PDGFC: variants seen among roughly 807,000 people sequenced by gnomAD.
The protein encoded by PDGFC is platelet derived growth factor C.
In PDGFC, 12 loss-of-function variants were observed where a neutral mutation model predicts 35.5. The observed-to-expected ratio is 0.34, with a 90% confidence interval of 0.22 to 0.55. The LOEUF is 0.55. Among genes scored for constraint, PDGFC ranks in the 20% least tolerant of loss-of-function variants. The pLI is 0.91. For synonymous variants in PDGFC, 159 were observed against 148.8 expected (o/e 1.07, Z -0.50); for missense variants, 322 against 412.4 (o/e 0.78, Z 1.90).
chr4:156,891,784 T>C (rs1349466102), intron 1 of PDGFC, among the ~76,000 whole-genome samples: 1 of 152,162 alleles, frequency 6.6e-6, no homozygotes, highest in African/African-American at 2.4e-5. Flanking sequence ...TGACTACAGG[T>C]AGCTGGCTTT....
intron 3 of PDGFC, among the ~76,000 whole-genome samples, chr4:156,783,971 T>C (rs1298008436): frequency 6.6e-6 from 1 of 152,106 alleles, no homozygotes; most frequent in Non-Finnish European, 1.5e-5. Context: ...AGGGAATGCA[T>C]TAACAGTGAC....
intron 2 of PDGFC, among the ~76,000 whole-genome samples, chr4:156,829,100 T>G (rs1326019192): frequency 6.6e-6 from 1 of 152,148 alleles, no homozygotes; most frequent in African/African-American, 2.4e-5. Flanking sequence ...AAATTAGAAA[T>G]AGAAGTAATC....
chr4:156,829,180 CTT>C (rs1728865995), intron 2 of PDGFC, among the ~76,000 whole-genome samples: 1 of 152,176 alleles, frequency 6.6e-6, no homozygotes, highest in South Asian at 2.1e-4. Flanking sequence ...GATCATCACT[CTT>C]ATTTCCAATG....
At chr4:156,954,843 T>C (rs1579123557) in intron 1 of PDGFC, among the ~76,000 whole-genome samples, 2 of 152,008 alleles carry the variant, frequency 1.3e-5, no homozygotes, top group Admixed American at 1.3e-4. Context: ...TCAATGATGA[T>C]TTATGACACC....
intron 1 of PDGFC, among the ~76,000 whole-genome samples, chr4:156,861,861 T>A (rs1224461336): frequency 6.6e-6 from 1 of 152,184 alleles, no homozygotes; most frequent in Non-Finnish European, 1.5e-5. Flanking sequence ...GATACTTTCA[T>A]ATACATTATC....
intron 1 of PDGFC, among the ~76,000 whole-genome samples, chr4:156,880,067 C>T (rs1333832126): frequency 6.6e-6 from 1 of 152,168 alleles, no homozygotes; most frequent in Admixed American, 6.5e-5. Context: ...CAAAGTGAAG[C>T]TGTGGCAAGC....
chr4:156,964,561 C>T (rs896620470), intron 1 of PDGFC, among the ~76,000 whole-genome samples: 6 of 151,534 alleles, frequency 4.0e-5, no homozygotes, highest in Non-Finnish European at 7.4e-5. Context: ...TAAATATTTC[C>T]GAAGCAACAG....
At chr4:156,966,048 A>G (rs1042739734) in intron 1 of PDGFC, among the ~76,000 whole-genome samples, 1 of 152,190 alleles carries the variant, frequency 6.6e-6, no homozygotes, top group Non-Finnish European at 1.5e-5. Flanking sequence ...CTCATTGGAA[A>G]TATTTCAACA....
intron 2 of PDGFC, among the ~76,000 whole-genome samples, chr4:156,827,619 T>G (rs142634899): frequency 3.3e-5 from 5 of 149,484 alleles, no homozygotes; most frequent in Non-Finnish European, 7.5e-5. Context: ...TAAATCTTAG[T>G]TTTTTTTTTC....
At chr4:156,827,789 A>G (rs1728815754) in intron 2 of PDGFC, among the ~76,000 whole-genome samples, 1 of 151,660 alleles carries the variant, frequency 6.6e-6, no homozygotes, top group African/African-American at 2.4e-5. Context: ...TCCAAGGTCA[A>G]TACAGCACTG....
At position 156,823,336 on chromosome 4, in the gene PDGFC, A is replaced by G. The variant is rs181609229; in HGVS notation, c.315-12319T>C. Among the ~76,000 whole-genome samples the G allele has an allele frequency of 2.6e-5, 4 of 152,320 alleles. No homozygotes were observed. The East Asian group carries it at 7.7e-4, about 29-fold the overall frequency. Reference sequence around the variant, plus strand: ...CCAGACCCTTATCTGTAAAATGGGGAAAATATTTATTAACTCACAAGACTG... The same window carrying G: ...CCAGACCCTTATCTGTAAAATGGGGGAAATATTTATTAACTCACAAGACTG... On this transcript the variant is annotated intron_variant, in intron 2 of 5. Transcript: ENST00000502773.
At chr4:156,803,082 T>C (rs998475621) in intron 3 of PDGFC, among the ~76,000 whole-genome samples, 10 of 152,090 alleles carry the variant, frequency 6.6e-5, no homozygotes, top group Non-Finnish European at 1.3e-4. Context: ...ACTGCAAGGA[T>C]GACGGTTTGT....
intron 1 of PDGFC, among the ~76,000 whole-genome samples, chr4:156,855,610 C>A (rs144978742): frequency 2.2e-4 from 34 of 152,204 alleles, no homozygotes; most frequent in African/African-American, 8.2e-4. Context: ...AAATGCATTT[C>A]TCTTAGAGTG....
intron 1 of PDGFC, among the ~76,000 whole-genome samples, chr4:156,887,152 A>T (rs1333826637): frequency 6.6e-6 from 1 of 152,196 alleles, no homozygotes; most frequent in African/African-American, 2.4e-5. Flanking sequence ...TACTTCATTA[A>T]GATGTAAAAA....
chr4:156,886,899 CTG>C (rs1276274342), intron 1 of PDGFC: 1 of 152,176 alleles, frequency 6.6e-6, no homozygotes, highest in African/African-American at 2.4e-5. Flanking sequence ...AACCCTGAAA[CTG>C]TGCTAACTAT....
At chr4:156,769,860 G>A (rs1197287885) in intron 4 of PDGFC, among the ~76,000 whole-genome samples, 2 of 151,950 alleles carry the variant, frequency 1.3e-5, no homozygotes, top group Non-Finnish European at 2.9e-5. Context: ...TAATGCCTGG[G>A]CAAGGAGGAA....
intron 2 of PDGFC, among the ~76,000 whole-genome samples, chr4:156,840,063 C>G (rs1729160591): frequency 6.6e-6 from 1 of 152,168 alleles, no homozygotes; most frequent in Non-Finnish European, 1.5e-5. Context: ...AAAGAAAAAC[C>G]TACTTTCTGA....
At chr4:156,823,004 G>C (rs1326328843) in intron 2 of PDGFC, among the ~76,000 whole-genome samples, 3 of 152,054 alleles carry the variant, frequency 2.0e-5, no homozygotes, top group Non-Finnish European at 4.4e-5. Context: ...AAAGTGCTGA[G>C]GTTACAGGCT....
chr4:156,876,752 C>T (rs1730125481), intron 1 of PDGFC: 2 of 152,108 alleles, frequency 1.3e-5, no homozygotes, highest in African/African-American at 2.4e-5. Flanking sequence ...AATCTTAAAA[C>T]TGTATGTTAT....
Sources: allele counts gnomAD v4.1 joint callset (sites outside exome capture counted in the v4.1 genomes callset), GRCh38; gene constraint gnomAD v4.1.1; transcripts MANE v1.5; gene names NCBI Gene and HGNC (gene_info 2026-07-23, HGNC 2026-07-21).